SYT16: variants seen among roughly 807,000 people sequenced by gnomAD.
SYT16 encodes synaptotagmin 16.
SYT16 carries 42 observed loss-of-function variants against 61.4 expected under a neutral mutation model. That is an observed-to-expected ratio of 0.68 (90% CI 0.53 to 0.89). SYT16 has a LOEUF of 0.89. Ranked by LOEUF, SYT16 falls within the 40% of genes least tolerant of loss-of-function variation. SYT16 has a pLI of 0.00. For synonymous variants in SYT16, 314 were observed against 302.3 expected (o/e 1.04, Z -0.40); for missense variants, 804 against 807.3 (o/e 1.00, Z 0.05).
intron 3 of SYT16, among the ~76,000 whole-genome samples, chr14:62,008,595 AT>A (rs2053317105): frequency 6.7e-6 from 1 of 149,344 alleles, no homozygotes; most frequent in African/African-American, 2.5e-5. Flanking sequence ...ACAAATCTAA[AT>A]TTGGAAATTA....
intron 1 of SYT16, among the ~76,000 whole-genome samples, chr14:61,866,362 C>T (rs979060365): frequency 2.0e-5 from 3 of 152,122 alleles, no homozygotes; most frequent in Non-Finnish European, 4.4e-5. Flanking sequence ...TCCATAGTGG[C>T]TGTACCATTT....
chr14:61,869,469 A>C (rs554240486), intron 1 of SYT16, among the ~76,000 whole-genome samples: 14 of 152,208 alleles, frequency 9.2e-5, no homozygotes, highest in Non-Finnish European at 1.6e-4. Context: ...TTTTAAATTT[A>C]TCAACATCTA....
chr14:62,080,489 G>T (rs2056668238), intron 5 of SYT16, among the ~76,000 whole-genome samples: 1 of 152,212 alleles, frequency 6.6e-6, no homozygotes, highest in Admixed American at 6.5e-5. Flanking sequence ...ACAATTGCCT[G>T]TTGACTTAAT....
At chr14:62,049,100 T>A (rs1020411477) in intron 3 of SYT16, among the ~76,000 whole-genome samples, 4 of 152,224 alleles carry the variant, frequency 2.6e-5, no homozygotes, top group African/African-American at 9.7e-5. Context: ...ATTATTTTTG[T>A]GTGGGAGTCT....
chr14:61,883,467 C>G (rs996818442), intron 1 of SYT16, among the ~76,000 whole-genome samples: 4 of 152,186 alleles, frequency 2.6e-5, no homozygotes, highest in Admixed American at 1.3e-4. Flanking sequence ...GCGACCTTTA[C>G]TCCAGTTCCC....
intron 3 of SYT16, among the ~76,000 whole-genome samples, chr14:62,045,664 C>T (rs1250926602): frequency 1.3e-5 from 2 of 152,102 alleles, no homozygotes; most frequent in African/African-American, 4.8e-5. Flanking sequence ...CATGTGTTCT[C>T]ATTGTTCAAT....
At chr14:61,859,471 A>G (rs1761759626) in intron 1 of SYT16, among the ~76,000 whole-genome samples, 1 of 152,052 alleles carries the variant, frequency 6.6e-6, no homozygotes, top group East Asian at 1.9e-4. Context: ...CTCAAGCTTT[A>G]CTATACAATC....
At chr14:61,833,113 C>A (rs150436892) in intron 1 of SYT16, among the ~76,000 whole-genome samples, 3 of 152,050 alleles carry the variant, frequency 2.0e-5, no homozygotes, top group African/African-American at 4.8e-5. Flanking sequence ...TCTGTAAGGA[C>A]GGAGATTTTC....
Position 61,964,864 on chromosome 14 carries a change from G to T in SYT16, c.-324-5268G>T, listed in dbSNP as rs1400000600. Among the ~76,000 whole-genome samples the T allele has an allele frequency of 4.0e-5, 6 of 150,566 alleles. No individual in the cohort carries two copies. In the East Asian group the frequency reaches 1.2e-3, roughly 29 times the overall value. ...TTGAGACATCCTCCATAAATAAAAAGATTATGTTTCACTGAGGGATCAGTG... is the reference window on the plus strand; with the variant it reads ...TTGAGACATCCTCCATAAATAAAAATATTATGTTTCACTGAGGGATCAGTG... On this transcript the variant is annotated intron_variant, in intron 1 of 7. Coordinates refer to ENST00000683842, the MANE Select transcript of SYT16 (RefSeq NM_001367656.1).
intron 1 of SYT16, among the ~76,000 whole-genome samples, chr14:61,817,164 C>T (rs1236908034): frequency 6.6e-6 from 1 of 151,872 alleles, no homozygotes; most frequent in Non-Finnish European, 1.5e-5. Context: ...TGCCTGTAAT[C>T]CGAGCACTTT....
chr14:61,958,016 A>C (rs1202607521), intron 1 of SYT16, among the ~76,000 whole-genome samples: 1 of 151,736 alleles, frequency 6.6e-6, no homozygotes, highest in African/African-American at 2.4e-5. Flanking sequence ...TTCTTGTTTT[A>C]GGTAGGTCGT....
rs182111125 is a variant in SYT16 at position 62,025,497 on chromosome 14, A to G, written c.523+28955A>G. Among the ~76,000 whole-genome samples the G allele has an allele frequency of 2.7e-3, 406 of 152,228 alleles. 2 individuals carry two copies. The highest frequency in any genetic ancestry group is 9.3e-3 in the African/African-American group (387 of 41,556). Reference sequence around the variant, plus strand: ...AGTTGTCTGTATACTTTAGAAAACAATCGTTTATCAGATATATCTTTCACA... The same window carrying G: ...AGTTGTCTGTATACTTTAGAAAACAGTCGTTTATCAGATATATCTTTCACA... On this transcript the variant is annotated intron_variant, in intron 3 of 7. Coordinates refer to ENST00000683842, the MANE Select transcript of SYT16 (RefSeq NM_001367656.1).
intron 1 of SYT16, among the ~76,000 whole-genome samples, chr14:61,962,376 T>G (rs2051150567): frequency 6.6e-6 from 1 of 152,146 alleles, no homozygotes; most frequent in South Asian, 2.1e-4. Context: ...GCTGGGAAAT[T>G]ATCTGATAGT....
chr14:61,827,624 C>T (rs1228617440), intron 1 of SYT16, among the ~76,000 whole-genome samples: 1 of 152,068 alleles, frequency 6.6e-6, no homozygotes, highest in Non-Finnish European at 1.5e-5. Flanking sequence ...GGGACAAGAC[C>T]TATTGGTCAT....
At chr14:62,067,093 C>T (rs975602357) in intron 3 of SYT16, among the ~76,000 whole-genome samples, 3 of 148,272 alleles carry the variant, frequency 2.0e-5, no homozygotes, top group Non-Finnish European at 3.0e-5. Flanking sequence ...CACAGGGAAC[C>T]GTGTGTGTGC....
chr14:61,836,845 A>T (rs1370609170), intron 1 of SYT16, among the ~76,000 whole-genome samples: 7 of 152,108 alleles, frequency 4.6e-5, no homozygotes, highest in African/African-American at 1.4e-4. Flanking sequence ...ACTTCTATGA[A>T]TTTTTTTGTG....
At chr14:62,083,924 C>T (rs935997198) in intron 6 of SYT16, among the ~76,000 whole-genome samples, 20 of 152,124 alleles carry the variant, frequency 1.3e-4, no homozygotes, top group Non-Finnish European at 1.3e-4. Flanking sequence ...GTTTGATTTA[C>T]ACTAGTAATA....
At chr14:61,998,212 T>C (rs910764953) in intron 3 of SYT16, among the ~76,000 whole-genome samples, 3 of 151,972 alleles carry the variant, frequency 2.0e-5, no homozygotes, top group African/African-American at 7.2e-5. Context: ...CTTAAAGGTA[T>C]AATTTACTAT....
chr14:61,848,390 G>C (rs1329715242), intron 1 of SYT16, among the ~76,000 whole-genome samples: 1 of 151,956 alleles, frequency 6.6e-6, no homozygotes, highest in East Asian at 1.9e-4. Flanking sequence ...AGAGACTCTT[G>C]CTCTCTTTCC....
Sources: allele counts gnomAD v4.1 joint callset (sites outside exome capture counted in the v4.1 genomes callset), GRCh38; gene constraint gnomAD v4.1.1; transcripts MANE v1.5; gene names NCBI Gene and HGNC (gene_info 2026-07-23, HGNC 2026-07-21).